The following RNASEH2B variants were observed in gnomAD, a reference collection of about 807,000 sequenced individuals.
RNASEH2B encodes the protein ribonuclease H2 subunit B.
Under a neutral mutation model 45.0 loss-of-function variants are expected in RNASEH2B, and 36 were observed. The observed-to-expected ratio is 0.80, with a 90% CI of 0.61 to 1.06. RNASEH2B has a LOEUF of 1.06. RNASEH2B is among the 50% of genes least tolerant of loss of function. The pLI, the probability that RNASEH2B is intolerant of heterozygous loss-of-function variation, is 0.00. For synonymous variants in RNASEH2B, 119 were observed against 125.7 expected (o/e 0.95, Z 0.35); for missense variants, 361 against 360.3 (o/e 1.00, Z -0.02).
At chr13:50,950,341 T>C (rs932146622) in intron 9 of RNASEH2B, 2 of 152,238 alleles carry the variant, frequency 1.3e-5, no homozygotes, top group African/African-American at 2.4e-5. Context: ...CTCATAATTT[T>C]TTATGTCATT....
At chr13:50,934,544 A>G (rs576051127) in intron 4 of RNASEH2B, 2 of 339,100 alleles carry the variant, frequency 5.9e-6, no homozygotes, top group Admixed American at 4.3e-5. Context: ...TGGTTCTTCA[A>G]ATTGAATGGG....
Position 50,909,912 on chromosome 13 carries a change from T to G in RNASEH2B, c.-165T>G, listed in dbSNP as rs1003844067. ...ACGTAACACGAGCAGCAGGCTGGTC[T>G]CGGAAACGAAACGAAATTCGGTCCC... is the stretch of plus-strand genomic sequence containing the variant. On this transcript the variant is annotated 5_prime_UTR_variant, in exon 1 of 11. Coordinates refer to ENST00000336617, the MANE Select transcript of RNASEH2B (RefSeq NM_024570.4). 21 of 516,614 alleles carry G rather than the reference T, an allele frequency of 4.1e-5. No individual in the cohort carries two copies. Among genetic ancestry groups the G allele is most frequent in the Non-Finnish European group, 6.0e-5 (18 of 300,314 alleles). 32.0% of individuals were successfully genotyped at this position (516,614 alleles called of 1,614,324 possible). A position where few individuals can be genotyped will look rare whatever the true frequency, so the allele number is the denominator to read the frequency against.
intron 1 of RNASEH2B, chr13:50,912,067 A>G (rs75122835): frequency 0.14 from 20,977 of 152,206 alleles, 1,665 homozygotes; most frequent in East Asian, 0.34. Context: ...GCTGAGATCT[A>G]CTGTGACCTT....
At chr13:50,968,116 A>C (rs1418992535) in intron 9 of RNASEH2B, among the ~76,000 whole-genome samples, 1 of 152,190 alleles carries the variant, frequency 6.6e-6, no homozygotes, top group Non-Finnish European at 1.5e-5. Flanking sequence ...ATCACTTATC[A>C]GTATTTAAAT....
At chr13:50,922,659 A>C (rs149398754) in intron 1 of RNASEH2B, among the ~76,000 whole-genome samples, 3,482 of 152,332 alleles carry the variant, frequency 0.023, 62 homozygotes, top group African/African-American at 0.044. Context: ...TACAAAAAAC[A>C]GCAATAACAA....
chr13:50,928,334 A>C lies in RNASEH2B; in HGVS notation c.136+856A>C, dbSNP rs528596547. On this transcript the variant is annotated intron_variant, in intron 2 of 10. Coordinates refer to ENST00000336617, the MANE Select transcript of RNASEH2B (RefSeq NM_024570.4). Reference sequence around the variant, plus strand: ...ATGTAAATAGAAGCAACAAGAGAAGAAACACATTCCTGACTTTCTCCAGTG... The same window carrying C: ...ATGTAAATAGAAGCAACAAGAGAAGCAACACATTCCTGACTTTCTCCAGTG... 4.6e-5 allele frequency: 7 copies of C among 152,354 alleles called. No individual in the cohort carries two copies. In the South Asian group the frequency reaches 1.5e-3, roughly 32 times the overall value. The allele number at this position is 152,354 out of a possible 1,614,324, so 9.4% of individuals were successfully genotyped here.
chr13:50,923,753 T>C (rs898148270), intron 1 of RNASEH2B, among the ~76,000 whole-genome samples: 1 of 152,160 alleles, frequency 6.6e-6, no homozygotes, highest in Non-Finnish European at 1.5e-5. Context: ...CTAGTAAAGA[T>C]AAACACAGAA....
chr13:50,949,883 G>C (rs920494234), intron 9 of RNASEH2B: 3 of 170,080 alleles, frequency 1.8e-5, no homozygotes, highest in African/African-American at 7.1e-5. Context: ...ATTGTCACTG[G>C]CACAAAGGTG....
intron 5 of RNASEH2B, chr13:50,936,452 A>C (rs1951753749): frequency 6.6e-6 from 1 of 152,138 alleles, no homozygotes; most frequent in South Asian, 2.1e-4. Flanking sequence ...TTTATGTTTA[A>C]GGGGTCCAGT....
chr13:50,946,352 G>A (rs184447964), intron 7 of RNASEH2B, among the ~76,000 whole-genome samples: 1 of 152,160 alleles, frequency 6.6e-6, no homozygotes, highest in Non-Finnish European at 1.5e-5. Flanking sequence ...ACTAGGAATA[G>A]TGGCCTGTTT....
chr13:50,939,401 T>C (rs1951807218), intron 5 of RNASEH2B, among the ~76,000 whole-genome samples: 1 of 151,426 alleles, frequency 6.6e-6, no homozygotes, highest in African/African-American at 2.4e-5. Context: ...GTGCCTATAG[T>C]TCCAACTATT....
chr13:50,909,731 C>G, upstream of RNASEH2B: 1 of 217,702 alleles, frequency 4.6e-6, no homozygotes, highest in Non-Finnish European at 9.2e-6. Context: ...CGCGGGGCCC[C>G]GGCGACCCCG....
chr13:50,968,633 A>C (rs541080587), intron 9 of RNASEH2B, among the ~76,000 whole-genome samples: 4 of 152,310 alleles, frequency 2.6e-5, no homozygotes, highest in Admixed American at 1.3e-4. Context: ...ATTTTATTTT[A>C]AGAAAGGAAA....
In RNASEH2B at chr13:50,956,727, A is replaced by T. The variant is rs1026572278; in HGVS notation, c.*253A>T. On this transcript the variant is annotated 3_prime_UTR_variant, in exon 11 of 11. Transcript: ENST00000336617. Reference sequence around the variant, plus strand: ...CACTTGAAGAGAATTAACATATAGCATCATGATTTTCTCAATAAACTGATG... The same window carrying T: ...CACTTGAAGAGAATTAACATATAGCTTCATGATTTTCTCAATAAACTGATG... 1.7e-5 allele frequency: 21 copies of T among 1,209,492 alleles called. No individual in the cohort carries two copies. The African/African-American group carries it at 2.8e-4, about 16-fold the overall frequency. The allele number at this position is 1,209,492 out of a possible 1,614,324, so 74.9% of individuals were successfully genotyped here.
At chr13:50,964,672 A>G (rs1431331369) in intron 9 of RNASEH2B, among the ~76,000 whole-genome samples, 1 of 152,230 alleles carries the variant, frequency 6.6e-6, no homozygotes, top group Non-Finnish European at 1.5e-5. Flanking sequence ...GACAGGTTGA[A>G]TAATCTCAGC....
chr13:50,915,099 C>T (rs559344902), intron 1 of RNASEH2B, among the ~76,000 whole-genome samples: 101 of 152,300 alleles, frequency 6.6e-4, no homozygotes, highest in African/African-American at 2.3e-3. Context: ...TTGAGTTACT[C>T]ATAAGCTTTC....
chr13:50,915,532 C>T, intron 1 of RNASEH2B: 2 of 398,570 alleles, frequency 5.0e-6, no homozygotes, highest in Non-Finnish European at 8.8e-6. Flanking sequence ...CATTTAAGTG[C>T]CATTTTTATA....
intron 10 of RNASEH2B, 181 bp from the exon 11 acceptor site, chr13:50,956,177 T>C: frequency 1.8e-6 from 1 of 565,516 alleles, no homozygotes; most frequent in Non-Finnish European, 3.2e-6. Context: ...TAACATATTC[T>C]GTCTCTTAGG....
intron 1 of RNASEH2B, among the ~76,000 whole-genome samples, chr13:50,917,709 A>G (rs1005070977): frequency 6.6e-6 from 1 of 152,170 alleles, no homozygotes; most frequent in Admixed American, 6.5e-5. Flanking sequence ...GTCCTTTTCC[A>G]GGACTCCTGC....
Sources: allele counts gnomAD v4.1 joint callset (sites outside exome capture counted in the v4.1 genomes callset), GRCh38; gene constraint gnomAD v4.1.1; transcripts MANE v1.5; gene names NCBI Gene and HGNC (gene_info 2026-07-23, HGNC 2026-07-21).